The following ZNF341 variants were observed in gnomAD, a reference collection of about 807,000 sequenced individuals.
ZNF341 encodes the protein zinc finger protein 341.
ZNF341 carries 52 observed loss-of-function variants against 87.7 expected under a neutral mutation model. The ratio of observed to expected loss-of-function variants is 0.59; its 90% CI spans 0.47 to 0.75. The LOEUF (loss-of-function observed/expected upper bound fraction) is 0.75, where lower values mean the gene tolerates loss of function less well. Ranked by LOEUF, ZNF341 falls within the 30% of genes least tolerant of loss-of-function variation. The probability of loss-of-function intolerance (pLI) is 0.00; values close to 1 mark genes in which losing one functional copy is unlikely to be tolerated. For synonymous variants in ZNF341, 459 were observed against 472.7 expected (o/e 0.97, Z 0.38); for missense variants, 977 against 1,145.9 (o/e 0.85, Z 2.13).
intron 3 of ZNF341, among the ~76,000 whole-genome samples, chr20:33,747,749 C>T (rs569274536): frequency 9.4e-4 from 131 of 139,020 alleles, no homozygotes; most frequent in Non-Finnish European, 1.3e-3. Context: ...GTCTTACTGT[C>T]GCTCAGGCTG....
intron 14 of ZNF341, among the ~76,000 whole-genome samples, chr20:33,789,798 C>G (rs1425250522): frequency 6.6e-6 from 1 of 152,200 alleles, no homozygotes; most frequent in East Asian, 1.9e-4. Flanking sequence ...CACAGTCCCC[C>G]AGTCCAAGGA....
intron 10 of ZNF341, among the ~76,000 whole-genome samples, chr20:33,779,719 G>T (rs2019703446): frequency 6.6e-6 from 1 of 152,120 alleles, no homozygotes; most frequent in Non-Finnish European, 1.5e-5. Context: ...CCAAAGTGCT[G>T]GGATTACAGG....
intron 6 of ZNF341, among the ~76,000 whole-genome samples, 183 bp downstream of exon 6, chr20:33,757,526 C>T (rs2019204150): frequency 6.6e-6 from 1 of 152,190 alleles, no homozygotes; most frequent in African/African-American, 2.4e-5. Context: ...GGCCAGAAGC[C>T]AGACAATCTG....
rs745442461 is a variant in ZNF341 at position 33,783,844 on chromosome 20, T to A, written c.1832T>A (p.Leu611Gln). Residue 611 changes from leucine (L) to glutamine (Q), a missense_variant, in exon 12 of 15, where the codon CTG (leucine) becomes CAG (glutamine). Coordinates refer to ENST00000375200, the MANE Select transcript of ZNF341 (RefSeq NM_001282933.2). ...TTCCGGCGGGAGCATTATCTCAAACTGCATGCTCACATCCACTCGGGTAGG... is the reference window on the plus strand; with the variant it reads ...TTCCGGCGGGAGCATTATCTCAAACAGCATGCTCACATCCACTCGGGTAGG... ...KFFRREHYLK[L>Q]HAHIHSGEKP... is the part of the protein sequence containing the mutation. 1 of 1,613,494 alleles carries A rather than the reference T, an allele frequency of 6.2e-7. No individual in the cohort carries two copies. Among genetic ancestry groups the A allele is most frequent in the South Asian group, 1.1e-5 (1 of 91,058 alleles).
At chr20:33,754,483 T>C (rs2019132748) in intron 5 of ZNF341, among the ~76,000 whole-genome samples, 1 of 152,144 alleles carries the variant, frequency 6.6e-6, no homozygotes, top group South Asian at 2.1e-4. Flanking sequence ...CCCAGACCAG[T>C]GGGAAGATCC....
At chr20:33,743,968 A>G (rs1186296038) in intron 2 of ZNF341, among the ~76,000 whole-genome samples, 2 of 152,188 alleles carry the variant, frequency 1.3e-5, no homozygotes, top group Non-Finnish European at 2.9e-5. Context: ...GGAAGGAACT[A>G]TAGCCGCTGG....
intron 12 of ZNF341, chr20:33,787,023 C>G (rs945537683): frequency 6.7e-6 from 1 of 148,824 alleles, no homozygotes; most frequent in Admixed American, 6.7e-5. Context: ...AAAAACCACA[C>G]AAATAATACA....
In ZNF341 at chr20:33,741,060, C is replaced by T. The variant is rs775276641; in HGVS notation, c.142+48C>T. The T allele has an allele frequency of 7.1e-6, 11 of 1,539,290 alleles. No individual in the cohort carries two copies. In the African/African-American group the frequency reaches 8.2e-5, roughly 11 times the overall value. On this transcript the variant is annotated intron_variant, in intron 2 of 14. Coordinates refer to ENST00000375200, the MANE Select transcript of ZNF341 (RefSeq NM_001282933.2). ...CGGTGGGAGAGTGAATGGCTCCCCG[C>T]GAAGAGTAGGTGGAGCTTGTGCTGG...
chr20:33,765,432 G>A (rs888583544), intron 8 of ZNF341, among the ~76,000 whole-genome samples: 2 of 151,148 alleles, frequency 1.3e-5, no homozygotes, highest in Non-Finnish European at 3.0e-5. Context: ...AGGCTGGAGT[G>A]CAATGGCATG....
At chr20:33,733,648 C>G (rs759578699) in intron 1 of ZNF341, among the ~76,000 whole-genome samples, 1 of 152,192 alleles carries the variant, frequency 6.6e-6, no homozygotes, top group Non-Finnish European at 1.5e-5. Context: ...GCTGGGATTA[C>G]AGGCGTGAGC....
chr20:33,788,422 CA>C (rs34249604), intron 12 of ZNF341: 22 of 200,206 alleles, frequency 1.1e-4, no homozygotes, highest in South Asian at 2.4e-4. Context: ...GGCTCTGTCT[CA>C]AAAAAAATAA....
intron 8 of ZNF341, among the ~76,000 whole-genome samples, chr20:33,765,387 A>T (rs2019383155): frequency 1.4e-5 from 2 of 147,602 alleles, no homozygotes; most frequent in Non-Finnish European, 3.0e-5. Context: ...TTTAAAAAAA[A>T]TTTTCTTTTG....
At chr20:33,775,489 G>T (rs1425325941) in intron 10 of ZNF341, among the ~76,000 whole-genome samples, 2 of 149,208 alleles carry the variant, frequency 1.3e-5, no homozygotes, top group Non-Finnish European at 3.0e-5. Flanking sequence ...GATTACAGGT[G>T]TGAGCCACCG....
intron 5 of ZNF341, among the ~76,000 whole-genome samples, chr20:33,756,881 G>A (rs1370765745): frequency 6.6e-6 from 1 of 152,212 alleles, no homozygotes; most frequent in Non-Finnish European, 1.5e-5. Flanking sequence ...AAATTAAAAA[G>A]ATGCCTAAGG....
At chr20:33,763,839 G>T (rs1326946438) in intron 8 of ZNF341, among the ~76,000 whole-genome samples, 2 of 151,844 alleles carry the variant, frequency 1.3e-5, no homozygotes, top group Admixed American at 1.3e-4. Flanking sequence ...GAACTTACTA[G>T]GTTTAGAGCA....
At chr20:33,738,955 G>T (rs2018749153) in intron 1 of ZNF341, among the ~76,000 whole-genome samples, 1 of 152,104 alleles carries the variant, frequency 6.6e-6, no homozygotes, top group Admixed American at 6.6e-5. Flanking sequence ...GTAGCTGATG[G>T]TTTCAATTTT....
rs1048369492 is a variant in ZNF341, at chr20:33,758,652, C to T, written c.938-64C>T. ...CTGGCTCAGATACAGTAGTCAGAGG[C>T]TGCCCTTGGTGCCCTGAGCTGCACC... On this transcript the variant is annotated intron_variant, in intron 6 of 14. Coordinates refer to ENST00000375200, the MANE Select transcript of ZNF341 (RefSeq NM_001282933.2). 1.9e-5 allele frequency: 25 copies of T among 1,330,604 alleles called. No homozygotes were observed. The African/African-American group carries it at 3.6e-4, about 19-fold the overall frequency. The allele number at this position is 1,330,604 out of a possible 1,614,324, so 82.4% of individuals were successfully genotyped here. A position where few individuals can be genotyped will look rare whatever the true frequency, so the allele number is the denominator to read the frequency against.
chr20:33,761,740 G>A (rs1355736807), intron 7 of ZNF341, 122 bp from the exon 8 acceptor site: 7 of 839,534 alleles, frequency 8.3e-6, no homozygotes, highest in Non-Finnish European at 1.2e-5. Context: ...TCGCCGTGGT[G>A]TCAGAATGTG....
At chr20:33,767,322 G>A (rs1289549675) in intron 9 of ZNF341, among the ~76,000 whole-genome samples, 1 of 151,872 alleles carries the variant, frequency 6.6e-6, no homozygotes, top group Non-Finnish European at 1.5e-5. Flanking sequence ...TCATCTCAGG[G>A]TGTGGCCTTG....
Sources: allele counts gnomAD v4.1 joint callset (sites outside exome capture counted in the v4.1 genomes callset), GRCh38; gene constraint gnomAD v4.1.1; transcripts MANE v1.5; gene names NCBI Gene and HGNC (gene_info 2026-07-23, HGNC 2026-07-21).